The following FAF1 variants were observed in gnomAD, a reference collection of about 807,000 sequenced individuals.
FAF1 encodes Fas associated factor 1.
In FAF1, 25 loss-of-function variants were observed where a neutral mutation model predicts 92.5. That is an observed-to-expected ratio of 0.27 (90% CI 0.20 to 0.38). The LOEUF (loss-of-function observed/expected upper bound fraction) is 0.38. FAF1 is among the 10% of genes least tolerant of loss of function. The pLI, the probability that FAF1 is intolerant of heterozygous loss-of-function variation, is 1.00. For missense variants in FAF1, 636 were observed against 793.3 expected (o/e 0.80, Z 2.38); for synonymous variants, 234 against 273.2 (o/e 0.86, Z 1.42).
chr1:50,633,305 T>A (rs867698060), intron 8 of FAF1, among the ~76,000 whole-genome samples: 1 of 152,232 alleles, frequency 6.6e-6, no homozygotes, highest in Non-Finnish European at 1.5e-5. Flanking sequence ...ATTGATTCTT[T>A]AAAGTTTTAT....
chr1:50,685,591 A>C (rs992573158), intron 7 of FAF1, among the ~76,000 whole-genome samples: 2 of 152,234 alleles, frequency 1.3e-5, no homozygotes, highest in Admixed American at 6.5e-5. Flanking sequence ...ATAGTTGACT[A>C]TCAAGTCCTA....
chr1:50,468,347 C>T (rs1242393745), intron 18 of FAF1, among the ~76,000 whole-genome samples: 1 of 151,814 alleles, frequency 6.6e-6, no homozygotes, highest in Admixed American at 6.6e-5. Flanking sequence ...GGCTAGAGTC[C>T]AGTGGTAGGA....
At chr1:50,566,883 T>C (rs2149056258) in intron 13 of FAF1, among the ~76,000 whole-genome samples, 194 bp downstream of exon 13, 1 of 152,188 alleles carries the variant, frequency 6.6e-6, no homozygotes. Flanking sequence ...ATTTAAAAAG[T>C]TTTTATAAGT....
chr1:50,486,679 C>T (rs898367327), intron 17 of FAF1, among the ~76,000 whole-genome samples: 3 of 152,132 alleles, frequency 2.0e-5, no homozygotes, highest in African/African-American at 4.8e-5. Context: ...TTTGTCTACC[C>T]TCTTGCATTA....
intron 7 of FAF1, among the ~76,000 whole-genome samples, chr1:50,694,720 C>T (rs569759149): frequency 2.0e-5 from 3 of 147,716 alleles, no homozygotes; most frequent in East Asian, 2.0e-4. Context: ...CCGAGGTGGG[C>T]GGATCACCTG....
At chr1:50,781,485 T>G (rs549717600) in intron 4 of FAF1, among the ~76,000 whole-genome samples, 2 of 152,080 alleles carry the variant, frequency 1.3e-5, no homozygotes, top group East Asian at 1.9e-4. Context: ...CATCCAATAC[T>G]GAAGTACCCA....
At chr1:50,882,924 T>C (rs947469637) in intron 1 of FAF1, among the ~76,000 whole-genome samples, 1 of 149,310 alleles carries the variant, frequency 6.7e-6, no homozygotes, top group South Asian at 2.1e-4. Flanking sequence ...AGGCGGGTTG[T>C]AGTAAGCCGA....
intron 12 of FAF1, among the ~76,000 whole-genome samples, chr1:50,575,526 T>G (rs1013097323): frequency 1.3e-5 from 2 of 152,228 alleles, no homozygotes; most frequent in Non-Finnish European, 1.5e-5. Context: ...TGGAATTATG[T>G]GGTGTCATTT....
At chr1:50,643,597 T>A (rs12031920) in intron 8 of FAF1, among the ~76,000 whole-genome samples, 53,593 of 151,802 alleles carry the variant, frequency 0.35, 12,150 homozygotes, top group East Asian at 0.85. Flanking sequence ...TTAAAAAAAA[T>A]TTTTCTTTTA....
intron 17 of FAF1, among the ~76,000 whole-genome samples, chr1:50,483,162 T>C (rs1274584625): frequency 6.6e-6 from 1 of 152,172 alleles, no homozygotes; most frequent in Non-Finnish European, 1.5e-5. Flanking sequence ...TTGCTTGTGA[T>C]GCAATATATG....
chr1:50,921,417 T>C (rs930307942), intron 1 of FAF1, among the ~76,000 whole-genome samples: 1 of 152,232 alleles, frequency 6.6e-6, no homozygotes, highest in African/African-American at 2.4e-5. Flanking sequence ...AAGAAATGTT[T>C]AAGGAGGTCC....
intron 5 of FAF1, 43 bp downstream of exon 5, chr1:50,744,641 A>G (rs1659516099): frequency 7.7e-7 from 1 of 1,292,574 alleles, no homozygotes; most frequent in Non-Finnish European, 1.1e-6. Flanking sequence ...AATCAATGGC[A>G]TAACTTAATT....
At chr1:50,527,856 TCTCCCTCTCTCC>T (rs1421279990) in intron 15 of FAF1, among the ~76,000 whole-genome samples, 45 of 107,410 alleles carry the variant, frequency 4.2e-4, no homozygotes, top group African/African-American at 2.0e-3. Context: ...TCTCTCCCTC[TCTCCCTCTCTCC>T]CTCTCTCTCT....
intron 2 of FAF1, among the ~76,000 whole-genome samples, chr1:50,850,071 G>C (rs142246777): frequency 6.6e-6 from 1 of 151,794 alleles, no homozygotes; most frequent in African/African-American, 2.4e-5. Flanking sequence ...TAAAACTTCG[G>C]GTCAGCTTTA....
intron 6 of FAF1, among the ~76,000 whole-genome samples, chr1:50,732,718 C>T (rs967625694): frequency 6.6e-6 from 1 of 151,944 alleles, no homozygotes; most frequent in Non-Finnish European, 1.5e-5. Flanking sequence ...TTAGTACTTT[C>T]TTGTTCATGG....
At chr1:50,603,480 A>G (rs1652241804) in intron 8 of FAF1, among the ~76,000 whole-genome samples, 2 of 152,152 alleles carry the variant, frequency 1.3e-5, no homozygotes, top group African/African-American at 2.4e-5. Flanking sequence ...CCCCTTTTAA[A>G]TTTTCAGATG....
intron 8 of FAF1, among the ~76,000 whole-genome samples, chr1:50,646,358 AT>A (rs1216207506): frequency 6.6e-6 from 1 of 152,194 alleles, no homozygotes; most frequent in East Asian, 1.9e-4. Context: ...TGATAACTTA[AT>A]TTTTATTAGA....
Position 50,539,713 on chromosome 1 carries a change from G to A in FAF1, c.1284C>T (p.Cys428=). Residue 428 remains cysteine, a synonymous_variant, in exon 14 of 19, where the codon TGC becomes TGT. Transcript: ENST00000396153. ...CCACAACACTGCCAAAGTGTCTATT[G>A]CACATAGTGAGAAATCTAAAAGGAG... ...DSNRARFLTM[C]NRHFGSVVAQ... 6.2e-7 allele frequency: 1 copy of A among 1,611,298 alleles called. No individual in the cohort carries two copies. Among genetic ancestry groups the A allele is most frequent in the Non-Finnish European group, 8.5e-7 (1 of 1,178,278 alleles).
chr1:50,554,384 T>TAGAGAGAGAGAG (rs1470102231), intron 13 of FAF1, among the ~76,000 whole-genome samples: 8 of 97,942 alleles, frequency 8.2e-5, no homozygotes, highest in Non-Finnish European at 1.4e-4. Flanking sequence ...TATATATATA[T>TAGAGAGAGAGAG]ATATATAGAG....
Sources: gnomAD v4.1 joint callset for allele counts (sites outside exome capture counted in the v4.1 genomes callset) on GRCh38, gnomAD v4.1.1 for gene constraint, MANE v1.5 for transcripts, NCBI Gene and HGNC (gene_info 2026-07-23, HGNC 2026-07-21) for gene names.